Variants in RFC1 observed in about 807,000 individuals in gnomAD.
RFC1 encodes the protein A1 140 kDa subunit.
Under a neutral mutation model 137.4 loss-of-function variants are expected in RFC1, and 37 were observed. The ratio of observed to expected loss-of-function variants is 0.27; its 90% CI spans 0.21 to 0.35. The LOEUF (loss-of-function observed/expected upper bound fraction) is 0.35, where lower values mean the gene tolerates loss of function less well. Among genes scored for constraint, RFC1 ranks in the 10% least tolerant of loss-of-function variants. The probability of loss-of-function intolerance (pLI) is 1.00; values close to 1 mark genes in which losing one functional copy is unlikely to be tolerated. For missense variants in RFC1, 1,205 were observed against 1,358.5 expected, an observed-to-expected ratio of 0.89 and a Z score of 1.78; for synonymous variants, 429 against 455.7, an observed-to-expected ratio of 0.94 and a Z score of 0.75.
chr4:39,363,531 T>C (rs75817445), intron 1 of RFC1, among the ~76,000 whole-genome samples: 21,360 of 152,210 alleles, frequency 0.14, 1,853 homozygotes, highest in East Asian at 0.24. Context: ...TAACTTTTAA[T>C]TGGAATTTTT....
chr4:39,304,711 T>G (rs1255687688), intron 15 of RFC1, 103 bp downstream of exon 15: 3 of 753,578 alleles, frequency 4.0e-6, no homozygotes, highest in East Asian at 4.9e-5. Context: ...CAGAATTTAG[T>G]AGGGTGCTTG....
intron 21 of RFC1, among the ~76,000 whole-genome samples, chr4:39,299,357 C>T (rs558339224): frequency 1.3e-5 from 2 of 152,158 alleles, no homozygotes; most frequent in South Asian, 4.1e-4. Context: ...TCTGTATTTC[C>T]GTGTGTGTGT....
Position 39,291,902 on chromosome 4 carries a change from G to C in RFC1, c.2955-50C>G, listed in dbSNP as rs769575810. 7.6e-6 allele frequency: 10 copies of C among 1,316,570 alleles called. 1 individual carries two copies. The highest frequency in any genetic ancestry group is 5.9e-5 in the South Asian group (5 of 84,812). The allele number at this position is 1,316,570 out of a possible 1,614,324, so 81.6% of individuals were successfully genotyped here. On this transcript the variant is annotated intron_variant, in intron 22 of 24. Coordinates refer to ENST00000349703, the MANE Select transcript of RFC1 (RefSeq NM_002913.5). ...AGTCAACAGCAAAGTATCAACTCAAGTCATACTGTGCATAACAGCACTGAG... is the reference window on the plus strand; with the variant it reads ...AGTCAACAGCAAAGTATCAACTCAACTCATACTGTGCATAACAGCACTGAG...
At chr4:39,348,423 A>AAAAAAGAAAAGAAAAAGAAAAAG (rs1740976145) in intron 2 of RFC1, among the ~76,000 whole-genome samples, 4 of 116,692 alleles carry the variant, frequency 3.4e-5, no homozygotes, top group Non-Finnish European at 7.4e-5. Flanking sequence ...ACTCTGTTTC[A>AAAAAAGAAAAGAAAAAGAAAAAG]AAAAAGAAAA....
intron 9 of RFC1, among the ~76,000 whole-genome samples, chr4:39,317,311 T>A (rs1323815669): frequency 2.0e-5 from 3 of 152,226 alleles, no homozygotes; most frequent in Non-Finnish European, 4.4e-5. Flanking sequence ...AAAAAGTGTT[T>A]TACTTTAGGA....
At chr4:39,329,646 T>G (rs549465292) in intron 4 of RFC1, among the ~76,000 whole-genome samples, 1 of 151,362 alleles carries the variant, frequency 6.6e-6, no homozygotes, top group East Asian at 1.9e-4. Context: ...GCTAAGGCAG[T>G]AGGAGGATCG....
At chr4:39,314,546 T>C (rs1739139530) in intron 10 of RFC1, among the ~76,000 whole-genome samples, 1 of 152,032 alleles carries the variant, frequency 6.6e-6, no homozygotes, top group Non-Finnish European at 1.5e-5. Flanking sequence ...TAGCCTTGCC[T>C]TCACTGAAAC....
At chr4:39,351,673 A>C (rs1253279291) in intron 1 of RFC1, among the ~76,000 whole-genome samples, 197 bp from the exon 2 acceptor site, 1 of 152,144 alleles carries the variant, frequency 6.6e-6, no homozygotes, top group Non-Finnish European at 1.5e-5. Context: ...GTTAAGAATA[A>C]TTTGTCGGCC....
intron 1 of RFC1, chr4:39,365,371 T>C (rs1196337763): frequency 2.7e-6 from 2 of 752,866 alleles, no homozygotes; most frequent in African/African-American, 1.9e-5. Context: ...AAAAAAATTA[T>C]ATCGGATTGT....
intron 4 of RFC1, among the ~76,000 whole-genome samples, chr4:39,333,507 T>C (rs1740206315): frequency 6.6e-6 from 1 of 151,920 alleles, no homozygotes; most frequent in South Asian, 2.1e-4. Flanking sequence ...ATATAAATTA[T>C]GGTCTAACTA....
At chr4:39,306,792 T>C in intron 13 of RFC1, 91 bp from the exon 14 acceptor site, 2 of 730,618 alleles carry the variant, frequency 2.7e-6, no homozygotes, top group Admixed American at 2.1e-5. Flanking sequence ...AAACTTCACA[T>C]AGACAGCTGT....
At chr4:39,329,420 T>C (rs1384807792) in intron 4 of RFC1, among the ~76,000 whole-genome samples, 3 of 151,768 alleles carry the variant, frequency 2.0e-5, no homozygotes, top group Non-Finnish European at 4.4e-5. Flanking sequence ...TGAAACCCCA[T>C]CTCTACTAAA....
At chr4:39,365,437 C>T (rs1741977124) in intron 1 of RFC1, 2 of 981,628 alleles carry the variant, frequency 2.0e-6, no homozygotes, top group Non-Finnish European at 2.4e-6. Flanking sequence ...ATATTTCAAA[C>T]ACAGAGCCAT....
intron 1 of RFC1, among the ~76,000 whole-genome samples, chr4:39,359,747 G>A (rs1009129965): frequency 3.3e-5 from 5 of 151,778 alleles, no homozygotes; most frequent in African/African-American, 9.7e-5. Flanking sequence ...GCATGAACCC[G>A]GGAGGCGGAC....
At position 39,365,982 on chromosome 4, in the gene RFC1, T is replaced by G. The variant is rs1742003986; in HGVS notation, c.3+257A>C. 2.0e-5 allele frequency among the ~76,000 whole-genome samples: 3 copies of G among 151,812 alleles called. No individual in the cohort carries two copies. The South Asian group carries it at 6.2e-4, about 32-fold the overall frequency. ...CTTCCTTTCTCCCTTCCCCCAAGAGTGGGGGGCGGGGGGAAAGTGCAAGTA... is the reference window on the plus strand; with the variant it reads ...CTTCCTTTCTCCCTTCCCCCAAGAGGGGGGGGCGGGGGGAAAGTGCAAGTA... On this transcript the variant is annotated intron_variant, in intron 1 of 24. Transcript: ENST00000349703.
chr4:39,304,739 A>G lies in RFC1; in HGVS notation c.2110+75T>C. On this transcript the variant is annotated intron_variant, in intron 15 of 24. Transcript: ENST00000349703. The stretch of plus-strand genomic sequence containing the variant: ...GGTGCTTGGCACACAACCTGTGTTC[A>G]ATACTGGTTACTGAACATTGAAATG... 3.3e-6 allele frequency: 3 copies of G among 901,146 alleles called. No homozygotes were observed. The Admixed American group carries it at 5.1e-5, about 15-fold the overall frequency. 55.8% of individuals were successfully genotyped at this position (901,146 alleles called of 1,614,324 possible). A position where few individuals can be genotyped will look rare whatever the true frequency, so the allele number is the denominator to read the frequency against.
chr4:39,304,853 C>T lies in RFC1; in HGVS notation c.2071G>A (p.Glu691Lys). 6.2e-7 allele frequency: 1 copy of T among 1,613,246 alleles called. No individual in the cohort carries two copies. The change falls in exon 15 of 25, where the codon GAG becomes AAG. Residue 691 changes from glutamate (E) to lysine (K), a missense_variant. Glu to Lys is a moderately conservative substitution (Grantham distance 56). Around this residue, in one of 3 missense-constraint regions of RFC1, gnomAD observed 962 missense variants for 1,035.3 expected, o/e 0.93. Coordinates refer to ENST00000349703, the MANE Select transcript of RFC1 (RefSeq NM_002913.5). ...SKSSLKAIVA[E>K]SLNNTSIKGF... ...TTGATGCTGGTATTGTTCAGTGACT[C>T]AGCAACAATCGCCTTCAAACTGCTC...
At chr4:39,353,954 CAG>C (rs1386391755) in intron 1 of RFC1, among the ~76,000 whole-genome samples, 2 of 152,146 alleles carry the variant, frequency 1.3e-5, no homozygotes, top group Non-Finnish European at 2.9e-5. Flanking sequence ...ATTCAGGAAA[CAG>C]AGCCACTGTT....
At chr4:39,318,329 A>C (rs1739351509) in intron 9 of RFC1, among the ~76,000 whole-genome samples, 1 of 152,214 alleles carries the variant, frequency 6.6e-6, no homozygotes, top group Admixed American at 6.5e-5. Context: ...ACAGCTGCCC[A>C]CACCACATTC....
Sources: allele counts gnomAD v4.1 joint callset (sites outside exome capture counted in the v4.1 genomes callset), GRCh38; gene constraint gnomAD v4.1.1; regional missense constraint gnomAD v4.1.1; transcripts MANE v1.5; gene names NCBI Gene and HGNC (gene_info 2026-07-23, HGNC 2026-07-21).